The following PRH1 variants were observed in gnomAD, a reference collection of about 807,000 sequenced individuals.
PRH1 encodes the protein proline rich protein HaeIII subfamily 1.
PRH1 carries 7 observed loss-of-function variants against 7.9 expected under a neutral mutation model. The observed-to-expected ratio is 0.89, with a 90% CI of 0.50 to 1.67. PRH1 has a LOEUF of 1.67. PRH1 is among the 40% of genes most tolerant of loss of function. PRH1 has a pLI of 0.00. For missense variants in PRH1, 109 were observed against 223.6 expected, an observed-to-expected ratio of 0.49 and a Z score of 3.27; for synonymous variants, 45 against 80.8, an observed-to-expected ratio of 0.56 and a Z score of 2.38.
chr12:10,935,123 TGA>T (rs1374901357), intron 2 of PRH1, among the ~76,000 whole-genome samples: 2 of 152,170 alleles, frequency 1.3e-5, no homozygotes, highest in African/African-American at 4.8e-5. Context: ...TGCTGAGTGC[TGA>T]TAATTTACAT....
At chr12:10,932,904 TG>T (rs1198460207) in intron 2 of PRH1, among the ~76,000 whole-genome samples, 1 of 151,500 alleles carries the variant, frequency 6.6e-6, no homozygotes, top group East Asian at 1.9e-4. Flanking sequence ...CCAGGAGTAT[TG>T]AAAAAAAAGT....
At chr12:11,041,288 C>CAAAAAA (rs67144212) in intron 1 of PRH1, among the ~76,000 whole-genome samples, 15 of 81,324 alleles carry the variant, frequency 1.8e-4, no homozygotes, top group African/African-American at 7.0e-4. Flanking sequence ...CAATGCAAAC[C>CAAAAAA]AAAAAAAAAA....
At chr12:11,073,957 G>A (rs1206190895) in intron 1 of PRH1, among the ~76,000 whole-genome samples, 3 of 125,236 alleles carry the variant, frequency 2.4e-5, no homozygotes, top group Admixed American at 1.6e-4. Flanking sequence ...TCAAGCACAA[G>A]ACTGCGTGCA....
intron 2 of PRH1, among the ~76,000 whole-genome samples, chr12:10,913,412 A>T (rs1413460937): frequency 3.3e-5 from 5 of 151,884 alleles, no homozygotes; most frequent in Non-Finnish European, 7.4e-5. Flanking sequence ...CCAAGATCAC[A>T]CCACTGCACT....
At chr12:11,108,271 G>A (rs1385667358) in intron 1 of PRH1, among the ~76,000 whole-genome samples, 2 of 152,094 alleles carry the variant, frequency 1.3e-5, no homozygotes, top group East Asian at 3.9e-4. Context: ...TAAGGAGACA[G>A]AAAACACAGA....
intron 1 of PRH1, among the ~76,000 whole-genome samples, chr12:11,165,086 T>C (rs1947531673): frequency 6.6e-6 from 1 of 152,210 alleles, no homozygotes; most frequent in Admixed American, 6.5e-5. Flanking sequence ...TGATTTATTC[T>C]TTTTTGTTGC....
At chr12:11,102,073 T>C (rs1945271822) in intron 1 of PRH1, among the ~76,000 whole-genome samples, 1 of 152,158 alleles carries the variant, frequency 6.6e-6, no homozygotes, top group African/African-American at 2.4e-5. Context: ...CATTCCATGC[T>C]CATGGATAGG....
intron 1 of PRH1, among the ~76,000 whole-genome samples, chr12:11,065,755 T>C (rs1422770074): frequency 6.6e-6 from 1 of 152,216 alleles, no homozygotes; most frequent in Non-Finnish European, 1.5e-5. Flanking sequence ...ATGAAAATTG[T>C]AGTGATTTTC....
chr12:10,883,266 G>C (rs779400164), intron 1 of PRH1, among the ~76,000 whole-genome samples, 170 bp from the exon 2 acceptor site: 9 of 152,186 alleles, frequency 5.9e-5, no homozygotes, highest in Non-Finnish European at 1.3e-4. Flanking sequence ...AGGGAAAGCA[G>C]TATTGTTACT....
chr12:10,978,179 A>G (rs1939195848), intron 1 of PRH1, among the ~76,000 whole-genome samples: 1 of 152,178 alleles, frequency 6.6e-6, no homozygotes, highest in Admixed American at 6.5e-5. Flanking sequence ...CTGCAAGGCA[A>G]CAGTAACCAA....
At chr12:11,158,333 T>G (rs1274077089) in intron 1 of PRH1, among the ~76,000 whole-genome samples, 3 of 152,172 alleles carry the variant, frequency 2.0e-5, no homozygotes, top group Non-Finnish European at 4.4e-5. Context: ...TATCCAAGCA[T>G]TACACTGATA....
At chr12:10,928,445 G>A (rs1169941174) in intron 2 of PRH1, among the ~76,000 whole-genome samples, 2 of 152,322 alleles carry the variant, frequency 1.3e-5, no homozygotes, top group South Asian at 2.1e-4. Context: ...ACATGACATC[G>A]TGTGGCTCAC....
chr12:11,069,589 G>A (rs1328123218), intron 1 of PRH1, among the ~76,000 whole-genome samples: 1 of 152,210 alleles, frequency 6.6e-6, no homozygotes, highest in Non-Finnish European at 1.5e-5. Context: ...CATGCAACAT[G>A]AAGACTAACC....
rs1202220135 is a variant in PRH1 at position 11,092,773 on chromosome 12, G to A, written n.124-45585C>T. 3.5e-5 allele frequency among the ~76,000 whole-genome samples: 4 copies of A among 115,582 alleles called. 2 individuals carry two copies. Among genetic ancestry groups the A allele is most frequent in the African/African-American group, 1.2e-4 (4 of 34,408 alleles). 75.8% of individuals were successfully genotyped at this position (115,582 alleles called of 152,430 possible). On this transcript the variant is annotated intron_variant and non_coding_transcript_variant, in intron 1 of 4. Coordinates refer to the PRH1 transcript ENST00000541977. The stretch of plus-strand genomic sequence containing the variant: ...CTTCATCTCTCAATCTAATAAAACT[G>A]GGTGTGATTGCTTGAATATCCTGAC...
chr12:11,085,075 C>A (rs1283106938), intron 1 of PRH1, among the ~76,000 whole-genome samples: 1 of 104,048 alleles, frequency 9.6e-6, no homozygotes, highest in Non-Finnish European at 2.3e-5. Context: ...CCACCTTGGC[C>A]TCCCGAAGTG....
At chr12:10,982,961 C>T (rs1159164536) in intron 1 of PRH1, among the ~76,000 whole-genome samples, 1 of 152,112 alleles carries the variant, frequency 6.6e-6, no homozygotes, top group African/African-American at 2.4e-5. Flanking sequence ...AAGGATATTT[C>T]TCTGACTCAC....
chr12:11,074,619 T>C (rs1325541978), intron 1 of PRH1, among the ~76,000 whole-genome samples: 1 of 105,560 alleles, frequency 9.5e-6, no homozygotes, highest in South Asian at 2.7e-4. Context: ...GTGGGAAACA[T>C]AGGGAAAGGG....
At chr12:10,972,863 T>C (rs1233915472) in intron 2 of PRH1, among the ~76,000 whole-genome samples, 1 of 151,556 alleles carries the variant, frequency 6.6e-6, no homozygotes, top group African/African-American at 2.4e-5. Flanking sequence ...TAAAATCTGG[T>C]TGCTGCTAAT....
chr12:10,986,741 C>G, intron 1 of PRH1: 2 of 1,612,454 alleles, frequency 1.2e-6, no homozygotes, highest in Non-Finnish European at 1.7e-6. Context: ...CTGAGGAGAT[C>G]TTTTTTCTCT....
Sources: gnomAD v4.1 joint callset for allele counts (sites outside exome capture counted in the v4.1 genomes callset) on GRCh38, gnomAD v4.1.1 for gene constraint, MANE v1.5 for transcripts, NCBI Gene and HGNC (gene_info 2026-07-23, HGNC 2026-07-21) for gene names.